Variants in SPMIP3 observed in about 807,000 individuals in gnomAD.
SPMIP3 encodes the protein sperm microtubule inner protein 3.
At chr1:244,367,855 G>A in the SPMIP3 span, among the ~76,000 whole-genome samples, 1 of 152,168 alleles carries the variant, frequency 6.6e-6, no homozygotes, top group Non-Finnish European at 1.5e-5. Context: ...AAACGCTGTG[G>A]GGAGACAATC....
chr1:244,379,665 G>C, the SPMIP3 span, among the ~76,000 whole-genome samples: 1 of 152,156 alleles, frequency 6.6e-6, no homozygotes, highest in Non-Finnish European at 1.5e-5. Flanking sequence ...TGTAATATGT[G>C]AGGCTGCAGC....
the SPMIP3 span, among the ~76,000 whole-genome samples, chr1:244,382,761 G>A: frequency 6.6e-6 from 1 of 151,804 alleles, no homozygotes; most frequent in African/African-American, 2.4e-5. Flanking sequence ...GCACCACCAG[G>A]CCCAGCTAAT....
the SPMIP3 span, among the ~76,000 whole-genome samples, chr1:244,381,187 G>A: frequency 2.6e-5 from 4 of 151,826 alleles, no homozygotes; most frequent in African/African-American, 7.3e-5. Flanking sequence ...GTTGCTGGGG[G>A]CTGAGGAGGG....
chr1:244,361,559 G>A, the SPMIP3 span, among the ~76,000 whole-genome samples: 3 of 151,920 alleles, frequency 2.0e-5, no homozygotes, highest in African/African-American at 7.3e-5. Flanking sequence ...CTTAAAAAGT[G>A]GAATTAGAAT....
the SPMIP3 span, among the ~76,000 whole-genome samples, chr1:244,357,293 G>A: frequency 6.6e-6 from 1 of 152,058 alleles, no homozygotes; most frequent in Non-Finnish European, 1.5e-5. Context: ...TAAGTGTTTT[G>A]GAGAAAAACA....
chr1:244,363,333 G>A, the SPMIP3 span, among the ~76,000 whole-genome samples: 1 of 152,112 alleles, frequency 6.6e-6, no homozygotes, highest in Non-Finnish European at 1.5e-5. Flanking sequence ...GTTTGAACCC[G>A]GGAGGTGGAG....
At chr1:244,363,036 G>A in the SPMIP3 span, among the ~76,000 whole-genome samples, 5 of 146,206 alleles carry the variant, frequency 3.4e-5, no homozygotes, top group African/African-American at 1.3e-4. Context: ...ATTTTTCATA[G>A]AGTTGGGGTC....
the SPMIP3 span, among the ~76,000 whole-genome samples, chr1:244,359,302 G>T: frequency 6.6e-6 from 1 of 152,116 alleles, no homozygotes; most frequent in Admixed American, 6.6e-5. Flanking sequence ...TGCTTGCATC[G>T]CGTGGCAACC....
At chr1:244,379,139 G>T in the SPMIP3 span, among the ~76,000 whole-genome samples, 1 of 151,448 alleles carries the variant, frequency 6.6e-6, no homozygotes, top group South Asian at 2.1e-4. Context: ...CATGTTGGCC[G>T]GGATGGTCTC....
At chr1:244,382,621 T>G in the SPMIP3 span, among the ~76,000 whole-genome samples, 1 of 148,266 alleles carries the variant, frequency 6.7e-6, no homozygotes, top group South Asian at 2.2e-4. Context: ...TTTTTTTTTT[T>G]GAGACGGAGT....
the SPMIP3 span, chr1:244,378,545 A>G: frequency 6.2e-7 from 1 of 1,613,674 alleles, no homozygotes; most frequent in Non-Finnish European, 8.5e-7. Context: ...CACTCATTCG[A>G]TATATTTGTC....
At chr1:244,372,499 A>G in the SPMIP3 span, among the ~76,000 whole-genome samples, 1 of 148,444 alleles carries the variant, frequency 6.7e-6, no homozygotes, top group Non-Finnish European at 1.5e-5. Flanking sequence ...GCTGGAGTGC[A>G]GTGGCACGAT....
At chr1:244,378,717 C>A in the SPMIP3 span, 1 of 1,458,150 alleles carries the variant, frequency 6.9e-7, no homozygotes, top group Non-Finnish European at 9.4e-7. Flanking sequence ...TGTAGGCTTG[C>A]TGTCTCAGGG....
the SPMIP3 span, chr1:244,389,163 A>T: frequency 1.1e-6 from 1 of 880,534 alleles, no homozygotes; most frequent in Non-Finnish European, 1.8e-6. Context: ...TTCAGTGTGT[A>T]TACAGATGGC....
At chr1:244,353,428 C>T in the SPMIP3 span, among the ~76,000 whole-genome samples, 4 of 152,134 alleles carry the variant, frequency 2.6e-5, no homozygotes, top group African/African-American at 7.2e-5. Context: ...CCAGATGTCT[C>T]GTTGTTTGAA....
At chr1:244,389,160 T>G in the SPMIP3 span, 2 of 879,454 alleles carry the variant, frequency 2.3e-6, no homozygotes, top group South Asian at 3.0e-5. Flanking sequence ...AGTTTCAGTG[T>G]GTATACAGAT....
the SPMIP3 span, among the ~76,000 whole-genome samples, chr1:244,362,006 C>A: frequency 1.3e-5 from 2 of 152,192 alleles, no homozygotes; most frequent in Admixed American, 6.5e-5. Context: ...TTCCTTCTTT[C>A]TCTTTCTCTC....
the SPMIP3 span, among the ~76,000 whole-genome samples, chr1:244,386,198 T>A: frequency 7.9e-5 from 12 of 152,106 alleles, no homozygotes; most frequent in Admixed American, 7.9e-4. Flanking sequence ...AAACTCTTGA[T>A]TGTTAAAGAG....
At chr1:244,364,822 G>T in the SPMIP3 span, 2 of 1,506,086 alleles carry the variant, frequency 1.3e-6, no homozygotes, top group Non-Finnish European at 1.8e-6. Flanking sequence ...TGGGGAGTTA[G>T]AATTGCACAT....
Sources: gnomAD v4.1 joint callset for allele counts (sites outside exome capture counted in the v4.1 genomes callset) on GRCh38, gnomAD v4.1.1 for gene constraint, MANE v1.5 for transcripts, NCBI Gene and HGNC (gene_info 2026-07-23, HGNC 2026-07-21) for gene names.